The following BCOR variants were observed in gnomAD, a reference collection of about 807,000 sequenced individuals.
BCOR encodes the protein BCL-6 corepressor.
A neutral mutation model predicts 86.7 loss-of-function variants in BCOR; 10 were observed. The observed-to-expected ratio is 0.12, with a 90% CI of 0.07 to 0.20. The LOEUF (loss-of-function observed/expected upper bound fraction) is 0.20, where lower values mean the gene tolerates loss of function less well. BCOR is among the 10% of genes least tolerant of loss of function. BCOR has a pLI of 1.00. For missense variants in BCOR, 1,259 were observed against 1,452.1 expected (o/e 0.87, Z 2.16); for synonymous variants, 611 against 609.0 (o/e 1.00, Z -0.05).
intron 2 of BCOR, chrX:40,077,596 T>C (rs1935871058): frequency 2.2e-5 from 9 of 415,342 alleles, no homozygotes; most frequent in Admixed American, 4.2e-5. Flanking sequence ...TTCTCCTTCA[T>C]AAATATGAAA....
intron 1 of BCOR, among the ~76,000 whole-genome samples, chrX:40,163,591 C>T (rs775221784): frequency 7.9e-5 from 7 of 88,352 alleles, no homozygotes; most frequent in African/African-American, 2.9e-4. Flanking sequence ...CACCCCCACC[C>T]CCACCCCACC....
chrX:40,099,162 A>C (rs1937020026), upstream of BCOR, among the ~76,000 whole-genome samples: 1 of 108,268 alleles, frequency 9.2e-6, no homozygotes, highest in East Asian at 3.2e-4. Context: ...GTTCAATTCA[A>C]TTGACACGTA....
chrX:40,131,795 A>G (rs1200413064), intron 1 of BCOR, among the ~76,000 whole-genome samples: 1 of 111,532 alleles, frequency 9.0e-6, no homozygotes, highest in Non-Finnish European at 1.9e-5. Flanking sequence ...TAGAAGGAGG[A>G]GGGGAACTCA....
chrX:40,065,728 G>A (rs568244720), intron 6 of BCOR, among the ~76,000 whole-genome samples: 5 of 111,974 alleles, frequency 4.5e-5, no homozygotes, highest in East Asian at 5.6e-4. Flanking sequence ...CCCTTGGCCC[G>A]CTGAAATGAT....
chrX:40,142,308 C>T (rs1217251273), intron 1 of BCOR, among the ~76,000 whole-genome samples: 1 of 112,379 alleles, frequency 8.9e-6, no homozygotes, highest in Non-Finnish European at 1.9e-5. Flanking sequence ...ACCCTCTCAA[C>T]TGATTTCCTC....
intron 1 of BCOR, among the ~76,000 whole-genome samples, chrX:40,173,369 A>G (rs1484514863): frequency 3.6e-5 from 4 of 112,271 alleles, no homozygotes; most frequent in Admixed American, 9.4e-5. Context: ...GCCTCCATAC[A>G]TAAGGTGCTT....
At chrX:40,107,156 C>T (rs1218477755) in intron 1 of BCOR, among the ~76,000 whole-genome samples, 1 of 112,295 alleles carries the variant, frequency 8.9e-6, no homozygotes, top group Non-Finnish European at 1.9e-5. Context: ...TTGTTGGAAT[C>T]TGTCACCCCC....
chrX:40,121,189 G>T (rs1333531138), intron 1 of BCOR, among the ~76,000 whole-genome samples: 2 of 112,005 alleles, frequency 1.8e-5, no homozygotes, highest in Non-Finnish European at 3.8e-5. Flanking sequence ...GAAGCCCTCA[G>T]CCACCCTACT....
chrX:40,076,729 G>T lies in BCOR; in HGVS notation c.87-197C>A, dbSNP rs147468551. On this transcript the variant is annotated intron_variant, in intron 2 of 14. Transcript: ENST00000378444. ...TTCAACTTGACCAGGAAAAACAAAGGAAACGCAAAGCTTTCATGTGTGAGG... is the reference window on the plus strand; with the variant it reads ...TTCAACTTGACCAGGAAAAACAAAGTAAACGCAAAGCTTTCATGTGTGAGG... Among the ~76,000 whole-genome samples, 547 of 112,469 alleles carry T rather than the reference G, an allele frequency of 4.9e-3. 4 individuals carry two copies. Among genetic ancestry groups the T allele is most frequent in the African/African-American group, 0.017 (522 of 30,938 alleles).
chrX:40,075,313 C>CGGGGGGGGGGG, intron 3 of BCOR, 133 bp from the exon 4 acceptor site: 2 of 81,814 alleles, frequency 2.4e-5, no homozygotes, highest in Non-Finnish European at 2.2e-5. Context: ...AGGCTTCCGG[C>CGGGGGGGGGGG]GGGGCGGGGG....
chrX:40,062,564 C>T (rs1050626075), intron 9 of BCOR, among the ~76,000 whole-genome samples, 171 bp from the exon 10 acceptor site: 4 of 109,623 alleles, frequency 3.6e-5, no homozygotes, highest in African/African-American at 1.3e-4. Flanking sequence ...GAAGGGATTT[C>T]ATTCTTACTA....
In BCOR at chrX:40,095,155, A is replaced by C. The variant is rs1429765689; in HGVS notation, c.-41+2060T>G. Among the ~76,000 whole-genome samples the C allele has an allele frequency of 2.7e-5, 3 of 110,069 alleles. No individual in the cohort carries two copies. In the East Asian group the frequency reaches 8.5e-4, roughly 31 times the overall value. On this transcript the variant is annotated intron_variant, in intron 1 of 14. Transcript: ENST00000378444. ...ATATTAATCATCGCCTTCCCCCCCC[A>C]CTCCGCTCTACGCGCTGAAACCCTG...
At chrX:40,162,591 A>G (rs753233643) in intron 1 of BCOR, among the ~76,000 whole-genome samples, 52 of 111,652 alleles carry the variant, frequency 4.7e-4, no homozygotes, top group African/African-American at 1.7e-3. Flanking sequence ...TCTGAACGTC[A>G]TGCCTCCAAA....
intron 1 of BCOR, among the ~76,000 whole-genome samples, chrX:40,131,319 G>A (rs1281476563): frequency 8.9e-6 from 1 of 112,296 alleles, no homozygotes; most frequent in East Asian, 2.8e-4. Context: ...GGTGCTCACT[G>A]CACCCTGCAT....
At chrX:40,082,943 A>C (rs1476371402) in intron 1 of BCOR, among the ~76,000 whole-genome samples, 1 of 110,921 alleles carries the variant, frequency 9.0e-6, no homozygotes. Context: ...GGATCAGAGC[A>C]GGGAGGGAAC....
intron 1 of BCOR, among the ~76,000 whole-genome samples, chrX:40,157,103 G>A (rs927169949): frequency 8.8e-6 from 1 of 113,398 alleles, no homozygotes; most frequent in Admixed American, 9.3e-5. Context: ...CCCAGCTCAC[G>A]GAGGCCTGGC....
chrX:40,168,565 T>A (rs904216332), intron 1 of BCOR, among the ~76,000 whole-genome samples: 1 of 112,644 alleles, frequency 8.9e-6, no homozygotes, highest in African/African-American at 3.2e-5. Flanking sequence ...TGGTGGCTCC[T>A]GTTGCTCGAG....
chrX:40,139,435 TATATATATATA>T (rs1937805303), intron 1 of BCOR, among the ~76,000 whole-genome samples: 1 of 20,212 alleles, frequency 4.9e-5, no homozygotes, highest in Non-Finnish European at 6.6e-5. Flanking sequence ...CATATATATA[TATATATATATA>T]ATATATATAC....
intron 1 of BCOR, among the ~76,000 whole-genome samples, chrX:40,103,412 A>C (rs1465407895): frequency 9.0e-6 from 1 of 111,162 alleles, no homozygotes; most frequent in Non-Finnish European, 1.9e-5. Context: ...ATGTGTCTAG[A>C]GGAGGGAGGA....
Sources: allele counts gnomAD v4.1 joint callset (sites outside exome capture counted in the v4.1 genomes callset), GRCh38; gene constraint gnomAD v4.1.1; transcripts MANE v1.5; gene names NCBI Gene and HGNC (gene_info 2026-07-23, HGNC 2026-07-21).